Variants in HMGN5 observed in about 807,000 individuals in gnomAD.
HMGN5 encodes high mobility group nucleosome-binding domain-containing protein 5.
A neutral mutation model predicts 9.5 loss-of-function variants in HMGN5; 4 were observed. That is an observed-to-expected ratio of 0.42 (90% CI 0.21 to 0.96). The LOEUF is 0.96. HMGN5 is among the 40% of genes least tolerant of loss of function. The probability of loss-of-function intolerance (pLI) is 0.30; values close to 1 mark genes in which losing one functional copy is unlikely to be tolerated. For synonymous variants in HMGN5, 55 were observed against 57.1 expected, an observed-to-expected ratio of 0.96 and a Z score of 0.16; for missense variants, 192 against 187.5, an observed-to-expected ratio of 1.02 and a Z score of -0.14.
chrX:81,186,095 GT>G (rs761090288), intron 1 of HMGN5, among the ~76,000 whole-genome samples: 1 of 111,102 alleles, frequency 9.0e-6, no homozygotes, highest in Non-Finnish European at 1.9e-5. Context: ...ATGTGTCTTT[GT>G]TTTTTTGTAT....
rs748148471 is a variant in HMGN5 at position 81,133,874 on chromosome X, AG to A, written c.-123-12203del. 3.6e-5 allele frequency among the ~76,000 whole-genome samples: 4 copies of A among 111,853 alleles called. No individual in the cohort carries two copies. The East Asian group carries it at 1.1e-3, about 31-fold the overall frequency. On this transcript the variant is annotated intron_variant, in intron 1 of 6. Coordinates refer to ENST00000358130, the MANE Select transcript of HMGN5 (RefSeq NM_030763.3). ...CTAAACTTAAAATAGAAGTATAAAA[AG>A]TTATCTTTTTAACTTGATAGCTTCT...
At chrX:81,172,493 A>G (rs143617323) in intron 1 of HMGN5, among the ~76,000 whole-genome samples, 1,239 of 109,720 alleles carry the variant, frequency 0.011, 17 homozygotes, top group African/African-American at 0.038. Flanking sequence ...AGCAAAGGAA[A>G]GAATACATGT....
At chrX:81,201,106 G>A (rs1278076416) in intron 1 of HMGN5, among the ~76,000 whole-genome samples, 1 of 110,852 alleles carries the variant, frequency 9.0e-6, no homozygotes, top group Non-Finnish European at 1.9e-5. Context: ...TAAGCACTGA[G>A]CCTAGGCAAA....
Position 81,113,907 on chromosome X carries a change from T to C in HMGN5, c.*742A>G, listed in dbSNP as rs1389637734. The C allele has an allele frequency of 1.8e-5, 2 of 111,959 alleles. No homozygotes were observed. Among genetic ancestry groups the C allele is most frequent in the East Asian group, 5.6e-4 (2 of 3,576 alleles). The allele number at this position is 111,959 out of a possible 1,213,427, so 9.2% of individuals were successfully genotyped here. A position where few individuals can be genotyped will look rare whatever the true frequency, so the allele number is the denominator to read the frequency against. On this transcript the variant is annotated 3_prime_UTR_variant, in exon 7 of 7. Transcript: ENST00000358130. ...AACATTGTGAATATACTGACAACCA[T>C]TGAATTATATACTTTATTTTTATTA...
chrX:81,133,905 GT>G (rs1463359309), intron 1 of HMGN5, among the ~76,000 whole-genome samples: 2 of 111,399 alleles, frequency 1.8e-5, no homozygotes. Flanking sequence ...GCTTCTTTAG[GT>G]TTTTGTTAGC....
At chrX:81,125,282 A>G (rs1343114788) in intron 1 of HMGN5, among the ~76,000 whole-genome samples, 2 of 111,212 alleles carry the variant, frequency 1.8e-5, no homozygotes, top group Non-Finnish European at 3.8e-5. Context: ...ACTATATACT[A>G]TTGTCAGCAA....
At chrX:81,159,392 A>C (rs1184468474) in intron 1 of HMGN5, among the ~76,000 whole-genome samples, 1 of 111,347 alleles carries the variant, frequency 9.0e-6, no homozygotes, top group African/African-American at 3.3e-5. Context: ...AGAACTTCAA[A>C]TAAAAATAAA....
At chrX:81,157,397 T>C (rs1185890099) in intron 1 of HMGN5, among the ~76,000 whole-genome samples, 1 of 111,982 alleles carries the variant, frequency 8.9e-6, no homozygotes, top group Non-Finnish European at 1.9e-5. Context: ...CGGGTAGCCT[T>C]TCAGCTGTAT....
intron 1 of HMGN5, among the ~76,000 whole-genome samples, chrX:81,189,585 A>T (rs1050718032): frequency 1.8e-5 from 2 of 112,226 alleles, no homozygotes; most frequent in African/African-American, 6.5e-5. Context: ...AGTATCTAAT[A>T]ATATTTCATT....
At chrX:81,141,996 T>C (rs1242676114) in intron 1 of HMGN5, among the ~76,000 whole-genome samples, 1 of 111,924 alleles carries the variant, frequency 8.9e-6, no homozygotes, top group Non-Finnish European at 1.9e-5. Context: ...ATCAGATAAA[T>C]TTAACAGACT....
intron 1 of HMGN5, among the ~76,000 whole-genome samples, chrX:81,173,006 C>G (rs895874331): frequency 9.0e-6 from 1 of 111,012 alleles, no homozygotes. Flanking sequence ...TGAATTTGTT[C>G]GAGTCAACAA....
intron 1 of HMGN5, among the ~76,000 whole-genome samples, chrX:81,133,651 A>C (rs1279299134): frequency 1.8e-5 from 2 of 111,327 alleles, no homozygotes; most frequent in Non-Finnish European, 3.8e-5. Flanking sequence ...CGTGGGAGCT[A>C]AATGATGAGA....
chrX:81,123,584 G>A (rs1255238772), intron 1 of HMGN5, among the ~76,000 whole-genome samples: 1 of 112,270 alleles, frequency 8.9e-6, no homozygotes, highest in Non-Finnish European at 1.9e-5. Context: ...GAATGAAAAT[G>A]TGTCAGCAGT....
intron 1 of HMGN5, among the ~76,000 whole-genome samples, chrX:81,154,911 C>T (rs2075378514): frequency 9.3e-6 from 1 of 108,078 alleles, no homozygotes; most frequent in Admixed American, 1.0e-4. Flanking sequence ...AACCCTTGTA[C>T]ACTGGTGGTG....
At chrX:81,198,541 G>A (rs1462930163) in intron 1 of HMGN5, among the ~76,000 whole-genome samples, 1 of 111,656 alleles carries the variant, frequency 9.0e-6, no homozygotes, top group Non-Finnish European at 1.9e-5. Flanking sequence ...GATCAAGTTG[G>A]CTTCATCCCT....
chrX:81,134,236 G>A (rs1476369303), intron 1 of HMGN5, among the ~76,000 whole-genome samples: 2 of 111,144 alleles, frequency 1.8e-5, no homozygotes, highest in South Asian at 3.8e-4. Flanking sequence ...TACAAACATC[G>A]ATTATAGCCA....
chrX:81,193,773 T>C (rs981995315), intron 1 of HMGN5, among the ~76,000 whole-genome samples: 7 of 112,279 alleles, frequency 6.2e-5, no homozygotes, highest in South Asian at 7.3e-4. Flanking sequence ...AATTACTTGA[T>C]ACAAGGTCAA....
intron 1 of HMGN5, among the ~76,000 whole-genome samples, chrX:81,163,807 C>G: frequency 9.0e-6 from 1 of 111,179 alleles, no homozygotes; most frequent in Non-Finnish European, 1.9e-5. Flanking sequence ...TAAAAAGTCC[C>G]TAAATCCTGG....
intron 1 of HMGN5, among the ~76,000 whole-genome samples, chrX:81,177,917 A>G (rs2075448209): frequency 8.9e-6 from 1 of 112,218 alleles, no homozygotes; most frequent in Non-Finnish European, 1.9e-5. Context: ...AACTCACTGA[A>G]AACTGCACAG....
Sources: gnomAD v4.1 joint callset for allele counts (sites outside exome capture counted in the v4.1 genomes callset) on GRCh38, gnomAD v4.1.1 for gene constraint, MANE v1.5 for transcripts, NCBI Gene and HGNC (gene_info 2026-07-23, HGNC 2026-07-21) for gene names.